Variants in TFR2 observed in about 807,000 individuals in gnomAD.
The protein encoded by TFR2 is transferrin receptor 2.
A neutral mutation model predicts 91.9 loss-of-function variants in TFR2; 64 were observed. The observed-to-expected ratio is 0.70, with a 90% confidence interval of 0.57 to 0.86. The LOEUF is 0.86. TFR2 is among the 40% of genes least tolerant of loss of function. The pLI, the probability that TFR2 is intolerant of heterozygous loss-of-function variation, is 0.00. For missense variants in TFR2, 950 were observed against 1,080.5 expected (o/e 0.88, Z 1.69); for synonymous variants, 454 against 459.6 (o/e 0.99, Z 0.15).
In TFR2 at chr7:100,631,305, CTT is replaced by C. The variant is rs542161282; in HGVS notation, c.1107-255_1107-254del. 0.56 allele frequency among the ~76,000 whole-genome samples: 53,953 copies of C among 95,510 alleles called. 15,295 individuals are homozygous for C. The highest frequency in any genetic ancestry group is 0.67 in the African/African-American group (14,541 of 21,578). 62.7% of individuals were successfully genotyped at this position (95,510 alleles called of 152,430 possible). On this transcript the variant is annotated intron_variant, in intron 8 of 17. Transcript: ENST00000223051. ...AGGCTGTGTCCATCCAGAAGAGTCA[CTT>C]TTTTTTTTTTTTTTTTTTTTTTTAA...
intron 6 of TFR2, 94 bp from the exon 7 acceptor site, chr7:100,632,292 A>T: frequency 8.7e-7 from 1 of 1,150,900 alleles, no homozygotes; most frequent in Non-Finnish European, 1.3e-6. Context: ...TTTGCTTGCA[A>T]CTGTCCATCC....
intron 10 of TFR2, among the ~76,000 whole-genome samples, chr7:100,628,617 G>T (rs908450580): frequency 2.6e-5 from 4 of 152,064 alleles, no homozygotes; most frequent in African/African-American, 7.2e-5. Flanking sequence ...GCCCAGGCTG[G>T]TTTTGAATTC....
chr7:100,636,675 A>G (rs1307806931), intron 3 of TFR2, among the ~76,000 whole-genome samples: 1 of 151,882 alleles, frequency 6.6e-6, no homozygotes, highest in Non-Finnish European at 1.5e-5. Context: ...CAACTCCCCC[A>G]GTTATCCTCG....
chr7:100,634,312 C>T (rs1417204491), intron 3 of TFR2, among the ~76,000 whole-genome samples: 1 of 152,132 alleles, frequency 6.6e-6, no homozygotes. Flanking sequence ...CATGGAGACA[C>T]TTTACACCAA....
chr7:100,622,404 G>A (rs1295762440), intron 17 of TFR2, among the ~76,000 whole-genome samples: 1 of 152,164 alleles, frequency 6.6e-6, no homozygotes, highest in African/African-American at 2.4e-5. Context: ...AAACCTGGGC[G>A]TTGGGCCCAC....
chr7:100,620,985 C>CG lies in TFR2; in HGVS notation c.2277dup (p.Gly760ArgfsTer32). 6.2e-7 allele frequency: 1 copy of CG among 1,610,716 alleles called. No individual in the cohort carries two copies. The highest frequency in any genetic ancestry group is 8.5e-7 in the Non-Finnish European group (1 of 1,178,730). ...TGGAAGCCAGTGGAGGAGGTGGCCC[C>CG]GGGGGTCCCGGAGCTGTTGGAGCGC... On this transcript the variant is annotated frameshift_variant, in exon 18 of 18. Transcript: ENST00000223051. LOFTEE classifies it high-confidence loss of function.
At position 100,630,983 on chromosome 7, in the gene TFR2, G is replaced by A. The variant is rs1236854899; in HGVS notation, c.1176C>T (p.Gly392=). Residue 392 remains glycine (G), a synonymous_variant, in exon 9 of 18, where the codon GGC becomes GGT. Transcript: ENST00000223051. ...CCACTAGCCGCAGTCGTGGCCCGGG[G>A]CCCAGGTGATAAGGGGAGCCTAGGA... ...GSLLGSPYHL[G]PGPRLRLVVN... is the part of the protein sequence containing the mutation. 2 of 1,611,010 alleles carry A rather than the reference G, an allele frequency of 1.2e-6. No homozygotes were observed. Among genetic ancestry groups the A allele is most frequent in the South Asian group, 1.1e-5 (1 of 90,780 alleles).
At chr7:100,625,322 G>A (rs1314877365) in intron 17 of TFR2, among the ~76,000 whole-genome samples, 2 of 152,102 alleles carry the variant, frequency 1.3e-5, no homozygotes, top group African/African-American at 4.8e-5. Flanking sequence ...GCCTCCCAAA[G>A]TGCTGAGATT....
chr7:100,624,448 T>C (rs1294976974), intron 17 of TFR2, among the ~76,000 whole-genome samples: 1 of 152,252 alleles, frequency 6.6e-6, no homozygotes, highest in East Asian at 1.9e-4. Context: ...AAATGCCAGA[T>C]AGTAAATATT....
At chr7:100,632,260 G>A in intron 6 of TFR2, 62 bp from the exon 7 acceptor site, 1 of 1,458,756 alleles carries the variant, frequency 6.9e-7, no homozygotes, top group South Asian at 1.1e-5. Flanking sequence ...AAGGGCAGGA[G>A]AAACCAGGAA....
At chr7:100,630,377 C>T (rs763790392) in intron 9 of TFR2, among the ~76,000 whole-genome samples, 151 of 152,176 alleles carry the variant, frequency 9.9e-4, no homozygotes, top group Admixed American at 5.1e-3. Flanking sequence ...GCAGCCTCCA[C>T]CTCCTGGGTT....
chr7:100,623,244 G>T (rs1048725450), intron 17 of TFR2, among the ~76,000 whole-genome samples: 2 of 152,254 alleles, frequency 1.3e-5, no homozygotes, highest in Admixed American at 1.3e-4. Context: ...CTGCACTCCA[G>T]TCTGGTGACA....
Position 100,633,570 on chromosome 7 carries a change from G to A in TFR2, c.474-14C>T. The A allele has an allele frequency of 6.3e-7, 1 of 1,594,306 alleles. No individual in the cohort carries two copies. Among genetic ancestry groups the A allele is most frequent in the Non-Finnish European group, 8.5e-7 (1 of 1,175,244 alleles). ...AGGCTGGTTTGCCTAAGCGGGGAGA[G>A]GTGGGGACTTTTCTGGGCGCCCGGA... On this transcript the variant is annotated splice_polypyrimidine_tract_variant and intron_variant, in intron 3 of 17. Coordinates refer to ENST00000223051, the MANE Select transcript of TFR2 (RefSeq NM_003227.4).
chr7:100,641,365 A>G, intron 1 of TFR2, 112 bp downstream of exon 1: 1 of 1,487,404 alleles, frequency 6.7e-7, no homozygotes. Context: ...CAGGGGTGGG[A>G]AGAAGCGAGG....
rs374766778 is a variant in TFR2 at position 100,620,896 on chromosome 7, C to T, written c.2367G>A (p.Ala789=). 347 of 1,614,102 alleles carry T rather than the reference C, an allele frequency of 2.1e-4. 1 individual carries two copies. The highest frequency in any genetic ancestry group is 1.1e-3 in the South Asian group (102 of 91,086). ...LTWTLQGAAN[A]LSGDVWNIDN... ...CAATGTTCCAGACATCCCCGCTAAG[C>T]GCATTGGCTGCCCCTTGCAGCGTCC... Residue 789 remains alanine (A), a synonymous_variant, in exon 18 of 18, where the codon GCG becomes GCA. Transcript: ENST00000223051.
Position 100,631,915 on chromosome 7 carries a change from G to A in TFR2, c.997C>T (p.Pro333Ser). ...GTTTGATTGAAGGAAGGGAAGCCAG[G>A]TGTGTAGGGGTCTCCAGTTCCCAGG... ...VHLGTGDPYT[P>S]GFPSFNQTQF... Residue 333 changes from proline (P) to serine (S), a missense_variant, in exon 8 of 18, where the codon CCT (proline) becomes TCT (serine). By Grantham distance (74) the Pro-to-Ser change is moderately conservative (BLOSUM62 -1). Coordinates refer to ENST00000223051, the MANE Select transcript of TFR2 (RefSeq NM_003227.4). 6.2e-7 allele frequency: 1 copy of A among 1,614,038 alleles called. No homozygotes were observed. Among genetic ancestry groups the A allele is most frequent in the Non-Finnish European group, 8.5e-7 (1 of 1,179,964 alleles).
rs1562845296 is a variant in TFR2, at chr7:100,641,101, A to G, written c.161T>C (p.Met54Thr). The part of the protein sequence containing the change: ...GAETLAHFCP[M>T]ELRGPEPLGS... ...CAGGGGCTCAGGGCCCCTCAGCTCC[A>G]TGGGGCAGAAGTGGGCCAATGTCTC... The change falls in exon 2 of 18, where the codon ATG becomes ACG. Residue 54 changes from methionine (M) to threonine (T), a missense_variant. Met to Thr is a moderately conservative substitution (Grantham distance 81). Transcript: ENST00000223051. 1.3e-6 allele frequency: 2 copies of G among 1,595,762 alleles called. No homozygotes were observed. Among genetic ancestry groups the G allele is most frequent in the Non-Finnish European group, 1.7e-6 (2 of 1,170,800 alleles).
chr7:100,632,660 C>T (rs1332836552), intron 6 of TFR2: 1 of 354,632 alleles, frequency 2.8e-6, no homozygotes, highest in South Asian at 2.5e-5. Flanking sequence ...AGCGATCCTC[C>T]CACCGGAGCC....
Position 100,633,045 on chromosome 7 carries a change from G to C in TFR2, c.805C>G (p.Arg269Gly). The C allele has an allele frequency of 6.2e-7, 1 of 1,613,692 alleles. No individual in the cohort carries two copies. Among genetic ancestry groups the C allele is most frequent in the East Asian group, 2.2e-5 (1 of 44,846 alleles). Residue 269 changes from arginine to glycine, a missense_variant, in exon 6 of 18, where the codon CGC becomes GGC. Arg to Gly is a moderately radical substitution (Grantham distance 125). Coordinates refer to ENST00000223051, the MANE Select transcript of TFR2 (RefSeq NM_003227.4). ...ACCCCCACGCGCACCAGCAGCAGGC[G>C]GCCCACTGGATCCACGCCCCTGGCC... ...LRARGVDPVG[R>G]LLLVRVGVIS...
Sources: allele counts gnomAD v4.1 joint callset (sites outside exome capture counted in the v4.1 genomes callset), GRCh38; gene constraint gnomAD v4.1.1; transcripts MANE v1.5; gene names NCBI Gene and HGNC (gene_info 2026-07-23, HGNC 2026-07-21).